The following IL1RAPL1 variants were observed in gnomAD, a reference collection of about 807,000 sequenced individuals.
IL1RAPL1 encodes interleukin 1 receptor accessory protein like 1.
A neutral mutation model predicts 48.4 loss-of-function variants in IL1RAPL1; 3 were observed. The ratio of observed to expected loss-of-function variants is 0.06; its 90% CI spans 0.03 to 0.16. The LOEUF is 0.16. Ranked by LOEUF, IL1RAPL1 falls within the 10% of genes least tolerant of loss-of-function variation. The probability of loss-of-function intolerance (pLI) is 1.00; values close to 1 mark genes in which losing one functional copy is unlikely to be tolerated. For missense variants in IL1RAPL1, 349 were observed against 530.6 expected, an observed-to-expected ratio of 0.66 and a Z score of 3.36; for synonymous variants, 185 against 187.7, an observed-to-expected ratio of 0.99 and a Z score of 0.12.
At chrX:29,324,451 A>C (rs944668509) in intron 3 of IL1RAPL1, among the ~76,000 whole-genome samples, 4 of 111,348 alleles carry the variant, frequency 3.6e-5, no homozygotes, top group Non-Finnish European at 5.7e-5. Context: ...AGTGGGAAAA[A>C]TCAGCAAGGC....
intron 3 of IL1RAPL1, among the ~76,000 whole-genome samples, chrX:29,335,864 A>C: frequency 9.0e-6 from 1 of 111,211 alleles, no homozygotes; most frequent in South Asian, 3.8e-4. Context: ...GTCAGTCTTT[A>C]ACTTTTGAAA....
At chrX:29,162,934 A>G (rs1929716261) in intron 2 of IL1RAPL1, among the ~76,000 whole-genome samples, 1 of 109,666 alleles carries the variant, frequency 9.1e-6, no homozygotes, top group Non-Finnish European at 1.9e-5. Context: ...TTAGCCAGGC[A>G]TGGTGGTGGG....
At chrX:29,012,089 T>C (rs375034414) in intron 2 of IL1RAPL1, among the ~76,000 whole-genome samples, 1 of 112,628 alleles carries the variant, frequency 8.9e-6, no homozygotes, top group East Asian at 2.8e-4. Flanking sequence ...TGGAAATATA[T>C]ACAAAGAGTC....
intron 9 of IL1RAPL1, among the ~76,000 whole-genome samples, chrX:29,946,095 CA>C (rs1419916600): frequency 9.0e-6 from 1 of 111,552 alleles, no homozygotes; most frequent in Non-Finnish European, 1.9e-5. Context: ...TTGCACCTCT[CA>C]AAAATAGATA....
chrX:29,502,357 C>T (rs1273914065), intron 5 of IL1RAPL1, among the ~76,000 whole-genome samples: 3 of 110,784 alleles, frequency 2.7e-5, no homozygotes, highest in Admixed American at 1.9e-4. Flanking sequence ...ATTATTATAT[C>T]GAATAAAGGT....
chrX:29,489,126 T>C (rs111390381), intron 5 of IL1RAPL1, among the ~76,000 whole-genome samples: 6,765 of 111,554 alleles, frequency 0.061, 515 homozygotes, highest in African/African-American at 0.21. Context: ...TCTCGTGACA[T>C]TTCTGCAACA....
At chrX:29,146,901 C>T (rs1302783141) in intron 2 of IL1RAPL1, among the ~76,000 whole-genome samples, 1 of 112,529 alleles carries the variant, frequency 8.9e-6, no homozygotes, top group Non-Finnish European at 1.9e-5. Context: ...GAAGAAGCTA[C>T]TTCTTTTGCA....
intron 1 of IL1RAPL1, among the ~76,000 whole-genome samples, chrX:28,656,749 G>T (rs917308545): frequency 9.0e-6 from 1 of 111,577 alleles, no homozygotes; most frequent in African/African-American, 3.3e-5. Flanking sequence ...TTTTACGGCC[G>T]GGCGTGGTGG....
intron 2 of IL1RAPL1, among the ~76,000 whole-genome samples, chrX:29,078,232 A>G (rs777446895): frequency 3.6e-5 from 4 of 112,282 alleles, no homozygotes; most frequent in Admixed American, 1.9e-4. Flanking sequence ...AGATCGTGCC[A>G]TTGCACTCCT....
rs764635166 is a variant in IL1RAPL1 at position 28,819,967 on chromosome X, G to GATATAT, written c.82+30584_82+30589dup. ...TTTGTGATTACTGCATAAACATAGT[G>GATATAT]ATATATATATATATATATATATATA... On this transcript the variant is annotated intron_variant, in intron 2 of 10. Transcript: ENST00000378993. Among the ~76,000 whole-genome samples, 81 of 26,744 alleles carry GATATAT rather than the reference G, an allele frequency of 3.0e-3. 2 individuals carry two copies. Among genetic ancestry groups the GATATAT allele is most frequent in the Non-Finnish European group, 6.2e-3 (68 of 10,926 alleles). The allele number at this position is 26,744 out of a possible 115,157, so 23.2% of individuals were successfully genotyped here. A position where few individuals can be genotyped will look rare whatever the true frequency, so the allele number is the denominator to read the frequency against.
chrX:28,753,162 A>G (rs1232805784), intron 1 of IL1RAPL1, among the ~76,000 whole-genome samples: 1 of 111,855 alleles, frequency 8.9e-6, no homozygotes, highest in African/African-American at 3.3e-5. Flanking sequence ...GCAGCATGGA[A>G]TATTTGCAAC....
chrX:29,297,459 A>G (rs931350152), intron 3 of IL1RAPL1, among the ~76,000 whole-genome samples: 1 of 112,455 alleles, frequency 8.9e-6, no homozygotes, highest in Non-Finnish European at 1.9e-5. Flanking sequence ...AATGTTATTT[A>G]ATTTTAAATA....
At chrX:29,215,632 ATTC>A (rs1277672106) in intron 2 of IL1RAPL1, among the ~76,000 whole-genome samples, 2 of 111,490 alleles carry the variant, frequency 1.8e-5, no homozygotes, top group Non-Finnish European at 3.8e-5. Context: ...AGGGCAAAAT[ATTC>A]TTATTAATTG....
At chrX:29,761,151 T>C (rs1928741836) in intron 6 of IL1RAPL1, among the ~76,000 whole-genome samples, 1 of 112,064 alleles carries the variant, frequency 8.9e-6, no homozygotes, top group South Asian at 3.7e-4. Context: ...TTCTTTATGG[T>C]AAAATATACA....
intron 6 of IL1RAPL1, among the ~76,000 whole-genome samples, chrX:29,889,124 C>T (rs1008246098): frequency 1.8e-5 from 2 of 111,689 alleles, no homozygotes; most frequent in African/African-American, 6.5e-5. Context: ...AAACGATGGC[C>T]TCATGGCATA....
chrX:28,672,089 A>G (rs919640772), intron 1 of IL1RAPL1, among the ~76,000 whole-genome samples: 1 of 112,539 alleles, frequency 8.9e-6, no homozygotes, highest in Non-Finnish European at 1.9e-5. Context: ...GTATGATGGT[A>G]TTAAGAACAA....
intron 5 of IL1RAPL1, among the ~76,000 whole-genome samples, chrX:29,580,736 G>A (rs1290757722): frequency 2.7e-5 from 3 of 111,841 alleles, no homozygotes; most frequent in Non-Finnish European, 5.6e-5. Context: ...GACTCTGACA[G>A]CACTTTTTCT....
chrX:28,662,942 C>T (rs1025018897), intron 1 of IL1RAPL1, among the ~76,000 whole-genome samples: 2 of 111,233 alleles, frequency 1.8e-5, no homozygotes, highest in Middle Eastern at 4.2e-3. Flanking sequence ...AATGTGGCAG[C>T]GTCACAATTT....
chrX:28,903,193 C>T (rs1237448672), intron 2 of IL1RAPL1, among the ~76,000 whole-genome samples: 1 of 110,693 alleles, frequency 9.0e-6, no homozygotes, highest in Non-Finnish European at 1.9e-5. Flanking sequence ...TATCTCGGCT[C>T]ACTGCAACCT....
Sources: gnomAD v4.1 joint callset for allele counts (sites outside exome capture counted in the v4.1 genomes callset) on GRCh38, gnomAD v4.1.1 for gene constraint, MANE v1.5 for transcripts, NCBI Gene and HGNC (gene_info 2026-07-23, HGNC 2026-07-21) for gene names.